Variants in LARP1 observed in about 807,000 individuals in gnomAD.
The protein encoded by LARP1 is La ribonucleoprotein 1, translational regulator, also known as la-related protein 1.
A neutral mutation model predicts 122.7 loss-of-function variants in LARP1; 36 were observed. That is an observed-to-expected ratio of 0.29 (90% CI 0.22 to 0.39). The LOEUF (loss-of-function observed/expected upper bound fraction) is 0.39, where lower values mean the gene tolerates loss of function less well. Among genes scored for constraint, LARP1 ranks in the 10% least tolerant of loss-of-function variants. LARP1 has a pLI of 1.00. For missense variants in LARP1, 1,040 were observed against 1,403.6 expected (o/e 0.74, Z 4.14); for synonymous variants, 539 against 528.7 (o/e 1.02, Z -0.27).
intron 1 of LARP1, among the ~76,000 whole-genome samples, chr5:154,735,544 T>TA (rs1756834224): frequency 1.4e-5 from 1 of 73,794 alleles, no homozygotes; most frequent in Non-Finnish European, 3.0e-5. Context: ...TTTATTTTTA[T>TA]TTTTATTTAT....
rs371799707 is a variant in LARP1 at position 154,741,695 on chromosome 5, CGG to C, written c.205+28570_205+28571del. ...ACAGAGCAAGGCCAGGTGCAAGAAACGGGGGGAAAATCTGGAGGTAAATGGGT... is the reference window on the plus strand; with the variant it reads ...ACAGAGCAAGGCCAGGTGCAAGAAACGGGGAAAATCTGGAGGTAAATGGGT... On this transcript the variant is annotated intron_variant, in intron 1 of 18. Coordinates refer to the LARP1 transcript ENST00000336314. 1.0e-3 allele frequency among the ~76,000 whole-genome samples: 152 copies of C among 152,036 alleles called. 1 individual carries two copies. The highest frequency in any genetic ancestry group is 3.6e-3 in the African/African-American group (148 of 41,486).
exon 1 of LARP1, chr5:154,712,891 A>G: frequency 1.9e-6 from 3 of 1,590,418 alleles, no homozygotes; most frequent in Middle Eastern, 3.3e-4. Flanking sequence ...TAAACCCTCC[A>G]GGGCCACATA....
At chr5:154,757,006 A>G (rs1298411482) in intron 1 of LARP1, among the ~76,000 whole-genome samples, 2 of 148,190 alleles carry the variant, frequency 1.3e-5, no homozygotes, top group Non-Finnish European at 3.0e-5. Flanking sequence ...GTTGGGCGCC[A>G]TGCGCCGCGC....
intron 1 of LARP1, among the ~76,000 whole-genome samples, chr5:154,745,002 C>T (rs1189746669): frequency 1.3e-5 from 2 of 151,404 alleles, no homozygotes; most frequent in Non-Finnish European, 2.9e-5. Flanking sequence ...TCTCTGCTCA[C>T]TGCAACTTCC....
At chr5:154,709,660 C>G (rs1755122932), upstream of LARP1, among the ~76,000 whole-genome samples, 1 of 135,974 alleles carries the variant, frequency 7.4e-6, no homozygotes, top group African/African-American at 2.8e-5. Flanking sequence ...GTGGGCTCAC[C>G]AAAACTGTGA....
At chr5:154,755,003 C>G (rs936074269), upstream of LARP1, among the ~76,000 whole-genome samples, 61 of 152,302 alleles carry the variant, frequency 4.0e-4, no homozygotes, top group Middle Eastern at 6.8e-3. Flanking sequence ...TGAGGCCGCT[C>G]TCACGCGCTG....
chr5:154,748,896 G>A lies in LARP1; in HGVS notation c.205+35766G>A, dbSNP rs572359403. On this transcript the variant is annotated intron_variant, in intron 1 of 18. Coordinates refer to the LARP1 transcript ENST00000336314. ...AGGCAGGAAAACATGGGGCCCACAGGGGTTTACATGGGAAACTTCTGGGAA... is the reference window on the plus strand; with the variant it reads ...AGGCAGGAAAACATGGGGCCCACAGAGGTTTACATGGGAAACTTCTGGGAA... 2.6e-5 allele frequency among the ~76,000 whole-genome samples: 4 copies of A among 152,288 alleles called. No individual in the cohort carries two copies. The East Asian group carries it at 7.7e-4, about 29-fold the overall frequency.
At chr5:154,769,783 G>C (rs1755251878) in intron 1 of LARP1, among the ~76,000 whole-genome samples, 1 of 152,228 alleles carries the variant, frequency 6.6e-6, no homozygotes, top group South Asian at 2.1e-4. Flanking sequence ...GAAAGATGTG[G>C]CTAGAGGCCT....
chr5:154,737,766 A>T (rs1425766471), intron 1 of LARP1, among the ~76,000 whole-genome samples: 2 of 151,910 alleles, frequency 1.3e-5, no homozygotes, highest in Admixed American at 6.6e-5. Flanking sequence ...GCTTCTGCCA[A>T]GTCTCTCTCT....
rs566764253 is a variant in LARP1 at position 154,728,427 on chromosome 5, C to T, written c.205+15297C>T. 1.4e-4 allele frequency among the ~76,000 whole-genome samples: 22 copies of T among 152,292 alleles called. No individual in the cohort carries two copies. In the South Asian group the frequency reaches 4.3e-3, roughly 30 times the overall value. On this transcript the variant is annotated intron_variant, in intron 1 of 18. Coordinates refer to the LARP1 transcript ENST00000336314. ...TTGGCTTACTTTGACCAATAGAGAT[C>T]AGTTGACATGATATTATGGGGCATC...
chr5:154,712,053 A>T (rs1755246511), upstream of LARP1, among the ~76,000 whole-genome samples: 1 of 152,204 alleles, frequency 6.6e-6, no homozygotes, highest in Non-Finnish European at 1.5e-5. Context: ...CAGAATGTAA[A>T]CTCAATAAAA....
chr5:154,689,815 G>A (rs1009991821), intron 1 of LARP1, among the ~76,000 whole-genome samples: 1 of 152,066 alleles, frequency 6.6e-6, no homozygotes, highest in Non-Finnish European at 1.5e-5. Context: ...GGTGGCTCAC[G>A]CCTGTAATCC....
intron 4 of LARP1, 92 bp from the exon 5 acceptor site, chr5:154,793,503 C>A: frequency 1.3e-6 from 2 of 1,537,252 alleles, no homozygotes; most frequent in Non-Finnish European, 8.9e-7. Context: ...GATTTGGGCC[C>A]AAGTCCAGGG....
chr5:154,790,590 T>C lies in LARP1; in HGVS notation c.499-55T>C, dbSNP rs928624075. ...TCTTGGTGAAGCTTGGGTCGGGGGC[T>C]GAATAGCAAAGACAGGGTCACTCCT... On this transcript the variant is annotated intron_variant, in intron 2 of 18. Coordinates refer to ENST00000518297, the MANE Select transcript of LARP1 (RefSeq NM_033551.3). 1.9e-6 allele frequency: 3 copies of C among 1,588,254 alleles called. No individual in the cohort carries two copies. In the East Asian group the frequency reaches 6.7e-5, roughly 35 times the overall value.
chr5:154,721,432 C>T (rs1463845151), intron 1 of LARP1, among the ~76,000 whole-genome samples: 2 of 151,742 alleles, frequency 1.3e-5, no homozygotes, highest in Non-Finnish European at 1.5e-5. Context: ...CCACCCACAG[C>T]TTCATATGAC....
chr5:154,776,881 G>C (rs542190479), intron 1 of LARP1, among the ~76,000 whole-genome samples: 181 of 152,272 alleles, frequency 1.2e-3, no homozygotes, highest in Non-Finnish European at 2.2e-3. Context: ...ATTTCTTTTG[G>C]AACAGCTCTG....
At chr5:154,753,436 A>T (rs571295170), upstream of LARP1, among the ~76,000 whole-genome samples, 24 of 152,338 alleles carry the variant, frequency 1.6e-4, no homozygotes, top group East Asian at 4.6e-3. Context: ...GACAGACCTC[A>T]TCTCTTCAAA....
upstream of LARP1, among the ~76,000 whole-genome samples, chr5:154,754,793 C>G (rs1295595829): frequency 6.6e-6 from 1 of 152,132 alleles, no homozygotes; most frequent in Non-Finnish European, 1.5e-5. Context: ...GTCACCCGGG[C>G]GGGGACCGAA....
intron 1 of LARP1, among the ~76,000 whole-genome samples, chr5:154,727,360 C>T (rs1013079159): frequency 6.8e-4 from 103 of 152,206 alleles, no homozygotes; most frequent in African/African-American, 2.3e-3. Context: ...AATAATAAAA[C>T]GGATAGTGTC....
Sources: allele counts gnomAD v4.1 joint callset (sites outside exome capture counted in the v4.1 genomes callset), GRCh38; gene constraint gnomAD v4.1.1; transcripts MANE v1.5; gene names NCBI Gene and HGNC (gene_info 2026-07-23, HGNC 2026-07-21).